Variants in ZNF385B observed in about 807,000 individuals in gnomAD.
ZNF385B encodes zinc finger protein 385B, also known as zinc finger protein 533.
ZNF385B carries 23 observed loss-of-function variants against 39.2 expected under a neutral mutation model. The ratio of observed to expected loss-of-function variants is 0.59; its 90% CI spans 0.42 to 0.83. The LOEUF (loss-of-function observed/expected upper bound fraction) is 0.83. ZNF385B is among the 40% of genes least tolerant of loss of function. ZNF385B has a pLI of 0.00. For missense variants in ZNF385B, 552 were observed against 598.9 expected (o/e 0.92, Z 0.82); for synonymous variants, 205 against 222.6 (o/e 0.92, Z 0.70).
chr2:179,707,539 C>T (rs1348422749), intron 3 of ZNF385B, among the ~76,000 whole-genome samples: 1 of 152,192 alleles, frequency 6.6e-6, no homozygotes, highest in Non-Finnish European at 1.5e-5. Context: ...TGGGCATTAC[C>T]AAGCTCCAAT....
At chr2:179,761,242 T>C (rs146489543) in intron 3 of ZNF385B, among the ~76,000 whole-genome samples, 2 of 152,328 alleles carry the variant, frequency 1.3e-5, no homozygotes, top group Admixed American at 1.3e-4. Flanking sequence ...TGCTTTTTCA[T>C]ATAAATGTTA....
At chr2:179,746,042 T>C (rs956001277) in intron 3 of ZNF385B, 2 of 1,077,062 alleles carry the variant, frequency 1.9e-6, no homozygotes, top group African/African-American at 1.6e-5. Context: ...CCAGAAGCAC[T>C]GTCAATGTAC....
intron 4 of ZNF385B, among the ~76,000 whole-genome samples, chr2:179,543,474 T>C (rs1239297044): frequency 1.3e-5 from 2 of 152,144 alleles, no homozygotes; most frequent in Non-Finnish European, 2.9e-5. Flanking sequence ...TATAGCTTAA[T>C]TCAGTTATGA....
At chr2:179,812,789 T>G (rs59089951) in intron 1 of ZNF385B, among the ~76,000 whole-genome samples, 5,433 of 152,226 alleles carry the variant, frequency 0.036, 132 homozygotes, top group African/African-American at 0.072. Context: ...TTTCCAAAGA[T>G]TATGTATTTA....
At chr2:179,561,724 T>C (rs925661158) in intron 3 of ZNF385B, among the ~76,000 whole-genome samples, 2 of 152,048 alleles carry the variant, frequency 1.3e-5, no homozygotes, top group Non-Finnish European at 2.9e-5. Flanking sequence ...ACCTACTGTA[T>C]ACATACAAAT....
intron 3 of ZNF385B, among the ~76,000 whole-genome samples, chr2:179,762,523 G>C (rs892022155): frequency 5.3e-5 from 8 of 152,128 alleles, no homozygotes; most frequent in African/African-American, 1.9e-4. Context: ...TGGTAAGCCA[G>C]TTTTGCATAC....
intron 3 of ZNF385B, among the ~76,000 whole-genome samples, chr2:179,698,042 G>A (rs980012496): frequency 1.3e-5 from 2 of 152,140 alleles, no homozygotes; most frequent in African/African-American, 4.8e-5. Context: ...GGCCTGTCGT[G>A]GAGTGGAGTG....
At chr2:179,445,074 G>T in intron 8 of ZNF385B, 97 bp from the exon 9 acceptor site, 1 of 1,020,976 alleles carries the variant, frequency 9.8e-7, no homozygotes, top group Non-Finnish European at 1.5e-6. Context: ...CCAACTCTAG[G>T]TCCATAGTTC....
chr2:179,764,170 T>C (rs907579078), intron 3 of ZNF385B, among the ~76,000 whole-genome samples: 1 of 152,188 alleles, frequency 6.6e-6, no homozygotes, highest in Admixed American at 6.5e-5. Context: ...TCATTAGGTC[T>C]TCCTGGTGAG....
intron 1 of ZNF385B, among the ~76,000 whole-genome samples, chr2:179,831,730 C>T (rs1301081677): frequency 6.6e-6 from 1 of 152,108 alleles, no homozygotes; most frequent in Non-Finnish European, 1.5e-5. Flanking sequence ...GTAGCAAGTA[C>T]TGGGTATTTG....
intron 3 of ZNF385B, among the ~76,000 whole-genome samples, chr2:179,635,291 G>A (rs9753170): frequency 0.38 from 57,494 of 149,702 alleles, 11,150 homozygotes; most frequent in African/African-American, 0.46. Flanking sequence ...AGCACAGAAA[G>A]CCAAACACCG....
intron 1 of ZNF385B, among the ~76,000 whole-genome samples, chr2:179,856,083 G>C (rs1559255573): frequency 6.6e-6 from 1 of 152,142 alleles, no homozygotes; most frequent in Non-Finnish European, 1.5e-5. Context: ...CCATCCCCTA[G>C]AAATGGCTAA....
chr2:179,570,817 G>C (rs1685126337), intron 3 of ZNF385B, among the ~76,000 whole-genome samples: 1 of 152,220 alleles, frequency 6.6e-6, no homozygotes, highest in South Asian at 2.1e-4. Flanking sequence ...TTCTCAGAGA[G>C]AGGAATCAGA....
chr2:179,711,804 T>G (rs1157685199), intron 3 of ZNF385B, among the ~76,000 whole-genome samples: 2 of 151,764 alleles, frequency 1.3e-5, no homozygotes, highest in African/African-American at 2.4e-5. Flanking sequence ...ACTGCAAAAA[T>G]GCTATATAAA....
chr2:179,747,227 AAC>A (rs1702433173), intron 3 of ZNF385B, among the ~76,000 whole-genome samples: 1 of 152,104 alleles, frequency 6.6e-6, no homozygotes, highest in Non-Finnish European at 1.5e-5. Flanking sequence ...AGCAACATTA[AAC>A]ACAGCACTCT....
intron 1 of ZNF385B, among the ~76,000 whole-genome samples, chr2:179,833,243 G>A (rs1708076469): frequency 6.6e-6 from 1 of 151,874 alleles, no homozygotes. Context: ...CCCATATTTT[G>A]ACTATTTCAG....
intron 1 of ZNF385B, among the ~76,000 whole-genome samples, chr2:179,830,199 G>C (rs548967708): frequency 3.0e-4 from 45 of 152,194 alleles, no homozygotes; most frequent in Non-Finnish European, 5.6e-4. Context: ...ATAAAATTCT[G>C]TTAGGATGGC....
At chr2:179,739,488 T>C (rs1055867206) in intron 3 of ZNF385B, among the ~76,000 whole-genome samples, 23 of 152,212 alleles carry the variant, frequency 1.5e-4, no homozygotes, top group Non-Finnish European at 3.2e-4. Context: ...CTAAGCATAG[T>C]GGGGTATCTA....
chr2:179,829,971 A>G (rs1228757097), intron 1 of ZNF385B, among the ~76,000 whole-genome samples: 1 of 152,236 alleles, frequency 6.6e-6, no homozygotes, highest in Non-Finnish European at 1.5e-5. Flanking sequence ...TCAGCAAAAC[A>G]TATATGTGAT....
Sources: gnomAD v4.1 joint callset for allele counts (sites outside exome capture counted in the v4.1 genomes callset) on GRCh38, gnomAD v4.1.1 for gene constraint, MANE v1.5 for transcripts, NCBI Gene and HGNC (gene_info 2026-07-23, HGNC 2026-07-21) for gene names.